NPM3: variants seen among roughly 807,000 people sequenced by gnomAD.
The protein encoded by NPM3 is nucleoplasmin-3.
A neutral mutation model predicts 18.1 loss-of-function variants in NPM3; 12 were observed. The ratio of observed to expected loss-of-function variants is 0.66; its 90% CI spans 0.42 to 1.07. NPM3 has a LOEUF of 1.07. NPM3 is among the 50% of genes least tolerant of loss of function. NPM3 has a pLI of 0.00. For missense variants in NPM3, 274 were observed against 232.1 expected (o/e 1.18, Z -1.17); for synonymous variants, 116 against 93.7 (o/e 1.24, Z -1.38).
exon 1 of NPM3, chr10:101,783,291 T>C (rs1170714662): frequency 6.2e-7 from 1 of 1,609,206 alleles, no homozygotes; most frequent in Non-Finnish European, 8.5e-7. Flanking sequence ...AAACTGTCCA[T>C]AGTGACCGGG....
At position 101,782,346 on chromosome 10, in the gene NPM3, A is replaced by C. The variant is rs555727936; in HGVS notation, c.330T>G (p.Ser110Arg). Residue 110 changes from serine to arginine, a missense_variant, in exon 4 of 6, where the codon AGT becomes AGG. By Grantham distance (110) the Ser-to-Arg change is moderately radical. Transcript: ENST00000370110. ...GTGGTTGGAGCTGGAAGTCATCCAG[A>C]CTGAGCTGGGAGGAAGACAAGGATG... 3.7e-6 allele frequency: 6 copies of C among 1,613,766 alleles called. No homozygotes were observed. Among genetic ancestry groups the C allele is most frequent in the Admixed American group, 1.7e-5 (1 of 59,958 alleles).
At chr10:101,781,940 A>AG (rs1195355457) in intron 4 of NPM3, 86 bp from the exon 5 acceptor site, 40 of 1,609,936 alleles carry the variant, frequency 2.5e-5, no homozygotes, top group Non-Finnish European at 3.2e-5. Context: ...CCGTGGTGTT[A>AG]GGCTTACAGG....
intron 1 of NPM3, 107 bp downstream of exon 1, chr10:101,783,166 A>G (rs2065156521): frequency 1.1e-6 from 1 of 945,652 alleles, no homozygotes. Context: ...GGAACAGCGA[A>G]GCAGCCCTCC....
At chr10:101,782,794 C>T (rs1467162431) in intron 2 of NPM3, 45 bp downstream of exon 2, 9 of 1,603,766 alleles carry the variant, frequency 5.6e-6, no homozygotes, top group Non-Finnish European at 7.7e-6. Context: ...ACCTATATTG[C>T]CTGCCTGGGC....
intron 4 of NPM3, 45 bp from the exon 5 acceptor site, chr10:101,781,899 A>G (rs771907653): frequency 1.9e-6 from 3 of 1,613,804 alleles, no homozygotes; most frequent in Non-Finnish European, 2.5e-6. Context: ...TTAAGACCAG[A>G]CCGTTTCACA....
In NPM3 at chr10:101,782,572, T is replaced by A. The variant is rs781176675; in HGVS notation, c.230A>T (p.Asp77Val). Residue 77 changes from aspartate to valine, a missense_variant, in exon 3 of 6, where the codon GAC becomes GTC. By Grantham distance (152) the Asp-to-Val change is radical (BLOSUM62 -3). Coordinates refer to ENST00000370110, the Ensembl canonical transcript of NPM3. ...CACAACTTCTACCACATTACACTCG[T>A]CTTTGGCTCCCTCGGTGAGGCAGAG... is the stretch of plus-strand genomic sequence containing the variant. 5.6e-6 allele frequency: 9 copies of A among 1,613,836 alleles called. No homozygotes were observed. In the African/African-American group the frequency reaches 1.2e-4, roughly 22 times the overall value.
exon 6 of NPM3, chr10:101,781,630 G>A: frequency 2.3e-6 from 3 of 1,303,230 alleles, no homozygotes; most frequent in South Asian, 1.4e-5. Flanking sequence ...ACATGGAGCT[G>A]ACCTGAAAAG....
In NPM3 at chr10:101,782,804, C is replaced by T. The variant is rs371023708; in HGVS notation, c.204+35G>A. 6.9e-6 allele frequency: 11 copies of T among 1,605,320 alleles called. No individual in the cohort carries two copies. In the African/African-American group the frequency reaches 1.3e-4, roughly 20 times the overall value. On this transcript the variant is annotated intron_variant, in intron 2 of 5. Coordinates refer to ENST00000370110, the Ensembl canonical transcript of NPM3. ...TAGAGACCTATATTGCCTGCCTGGG[C>T]TTATTCATTAAAACCCCACTCCCCT...
chr10:101,783,064 TG>T, intron 1 of NPM3, 140 bp from the exon 2 acceptor site: 1 of 825,956 alleles, frequency 1.2e-6, no homozygotes, highest in East Asian at 2.6e-5. Context: ...TCAGAACACC[TG>T]GGACGCTCTG....
intron 2 of NPM3, 30 bp from the exon 3 acceptor site, chr10:101,782,627 T>G: frequency 1.2e-6 from 2 of 1,612,326 alleles, no homozygotes; most frequent in Non-Finnish European, 1.7e-6. Context: ...CCTCAGGGTC[T>G]CCTCAAGTGA....
At chr10:101,783,366 A>C in exon 1 of NPM3, 1 of 1,612,048 alleles carries the variant, frequency 6.2e-7, no homozygotes. Flanking sequence ...AAAAACGCTA[A>C]GGCAGCTGCA....
intron 1 of NPM3, 90 bp from the exon 2 acceptor site, chr10:101,783,014 G>A (rs899054417): frequency 4.1e-6 from 5 of 1,214,318 alleles, no homozygotes; most frequent in African/African-American, 3.0e-5. Context: ...TGTAACCTTG[G>A]GCGGACGGGT....
chr10:101,783,174 T>A, intron 1 of NPM3, 99 bp downstream of exon 1: 1 of 994,380 alleles, frequency 1.0e-6, no homozygotes, highest in Non-Finnish European at 1.5e-6. Flanking sequence ...GAAGCAGCCC[T>A]CCGCCCACAC....
exon 1 of NPM3, chr10:101,783,296 A>T: frequency 6.2e-7 from 1 of 1,609,392 alleles, no homozygotes; most frequent in Non-Finnish European, 8.5e-7. Flanking sequence ...GTCCATAGTG[A>T]CCGGGGCCGG....
At position 101,782,368 on chromosome 10, in the gene NPM3, G is replaced by GATGACTTC; in HGVS notation, c.325-18_325-17insGAAGTCAT. Reference sequence around the variant, plus strand: ...CAGACTGAGCTGGGAGGAAGACAAGGATGAAGGCCTGGCCCACTCCTAGCC... The same window carrying GATGACTTC: ...CAGACTGAGCTGGGAGGAAGACAAGGATGACTTCATGAAGGCCTGGCCCACTCCTAGCC... On this transcript the variant is annotated splice_polypyrimidine_tract_variant and intron_variant, in intron 3 of 5. Coordinates refer to ENST00000370110, the Ensembl canonical transcript of NPM3. 6.2e-7 allele frequency: 1 copy of GATGACTTC among 1,612,774 alleles called. No individual in the cohort carries two copies. Among genetic ancestry groups the GATGACTTC allele is most frequent in the Non-Finnish European group, 8.5e-7 (1 of 1,179,338 alleles).
At chr10:101,782,904 T>A in exon 2 of NPM3, 1 of 1,614,078 alleles carries the variant, frequency 6.2e-7, no homozygotes, top group Non-Finnish European at 8.5e-7. Flanking sequence ...AAGGAGCGGG[T>A]GTGGCCGGAG....
chr10:101,781,626 A>T, exon 6 of NPM3: 1 of 1,161,704 alleles, frequency 8.6e-7, no homozygotes, highest in Non-Finnish European at 1.2e-6. Flanking sequence ...TGGCACATGG[A>T]GCTGACCTGA....
intron 2 of NPM3, 107 bp from the exon 3 acceptor site, chr10:101,782,704 T>C: frequency 1.3e-6 from 2 of 1,587,270 alleles, no homozygotes; most frequent in Admixed American, 1.8e-5. Context: ...CCGGTTCACC[T>C]GGCCAGGGGA....
chr10:101,783,394 G>T (rs1296229518), exon 1 of NPM3: 3 of 1,587,054 alleles, frequency 1.9e-6, no homozygotes, highest in Non-Finnish European at 2.6e-6. Flanking sequence ...CGGCCATGCT[G>T]TAAGAGCCTT....
Sources: allele counts gnomAD v4.1 joint callset, GRCh38; gene constraint gnomAD v4.1.1; transcripts MANE v1.5; gene names NCBI Gene and HGNC (gene_info 2026-07-23, HGNC 2026-07-21).